The following PRKCH variants were observed in gnomAD, a reference collection of about 807,000 sequenced individuals.
The protein encoded by PRKCH is protein kinase C eta, also known as protein kinase C eta type.
In PRKCH, 28 loss-of-function variants were observed where a neutral mutation model predicts 82.5. That is an observed-to-expected ratio of 0.34 (90% CI 0.25 to 0.47). PRKCH has a LOEUF of 0.47. Ranked by LOEUF, PRKCH falls within the 20% of genes least tolerant of loss-of-function variation. The probability of loss-of-function intolerance (pLI) is 1.00; values close to 1 mark genes in which losing one functional copy is unlikely to be tolerated. For synonymous variants in PRKCH, 322 were observed against 327.4 expected, an observed-to-expected ratio of 0.98 and a Z score of 0.18; for missense variants, 705 against 881.8, an observed-to-expected ratio of 0.80 and a Z score of 2.54.
intron 2 of PRKCH, among the ~76,000 whole-genome samples, chr14:61,414,592 T>TA (rs1401522276): frequency 2.0e-5 from 3 of 148,508 alleles, no homozygotes; most frequent in Non-Finnish European, 1.5e-5. Flanking sequence ...TTTATTCTTT[T>TA]TTTTTTTTTT....
At chr14:61,359,466 T>G (rs1057417763) in intron 1 of PRKCH, among the ~76,000 whole-genome samples, 1 of 152,246 alleles carries the variant, frequency 6.6e-6, no homozygotes, top group South Asian at 2.1e-4. Context: ...TTAGAACTTA[T>G]GGTAATGTTA....
At chr14:61,318,010 A>G (rs1282473353), upstream of PRKCH, among the ~76,000 whole-genome samples, 14 of 152,214 alleles carry the variant, frequency 9.2e-5, no homozygotes, top group East Asian at 1.9e-3. Flanking sequence ...TAAGTTTTGA[A>G]TTGAGCTCTT....
At position 61,272,340 on chromosome 14, in the gene PRKCH, C is replaced by CTTTTTTTTTTTTTTTTTTTTTTTT. The variant is rs1335053986; in HGVS notation, c.-19+84675_-19+84676insTTTTTTTTTTTTTTTTTTTTTTTT. Among the ~76,000 whole-genome samples, 2 of 97,838 alleles carry CTTTTTTTTTTTTTTTTTTTTTTTT rather than the reference C, an allele frequency of 2.0e-5. 1 individual carries two copies. The allele number at this position is 97,838 out of a possible 152,430, so 64.2% of individuals were successfully genotyped here. On this transcript the variant is annotated intron_variant, in intron 1 of 3. Transcript: ENST00000555185. ...TAGATTTCTTTTTCTTTTCTTTTTT[C>CTTTTTTTTTTTTTTTTTTTTTTTT]TTTCTTTTTTTTTTTTTTTTTTTTT...
intron 1 of PRKCH, among the ~76,000 whole-genome samples, chr14:61,276,995 C>A (rs2045209522): frequency 6.6e-6 from 1 of 152,044 alleles, no homozygotes; most frequent in Admixed American, 6.6e-5. Context: ...ACCAGCCTGA[C>A]CAACTTGGTG....
chr14:61,359,606 A>G (rs187153161), intron 1 of PRKCH, among the ~76,000 whole-genome samples: 6 of 152,274 alleles, frequency 3.9e-5, no homozygotes, highest in Admixed American at 1.3e-4. Flanking sequence ...GTATACTCTG[A>G]GAGAGAACTT....
At chr14:61,226,686 C>G (rs2044698873) in intron 1 of PRKCH, among the ~76,000 whole-genome samples, 3 of 152,328 alleles carry the variant, frequency 2.0e-5, no homozygotes, top group South Asian at 2.1e-4. Context: ...AATGGTCGTT[C>G]TCTAAAGATT....
At position 61,547,832 on chromosome 14, in the gene PRKCH, C is replaced by A; in HGVS notation, c.1851C>A (p.Ile617=). ...AILRHPFFKE[I]DWAQLNHRQI... is the part of the protein sequence containing the mutation. ...TGAGACATCCTTTTTTTAAGGAAAT[C>A]GACTGGGCCCAGCTGAACCATCGCC... The change falls in exon 13 of 14, where the codon ATC becomes ATA. Residue 617 remains isoleucine, a synonymous_variant. Coordinates refer to ENST00000332981, the MANE Select transcript of PRKCH (RefSeq NM_006255.5). 6 of 1,614,088 alleles carry A rather than the reference C, an allele frequency of 3.7e-6. No individual in the cohort carries two copies. Among genetic ancestry groups the A allele is most frequent in the Non-Finnish European group, 5.1e-6 (6 of 1,179,992 alleles).
intron 9 of PRKCH, among the ~76,000 whole-genome samples, chr14:61,481,100 C>T (rs1885951505): frequency 6.6e-6 from 1 of 152,200 alleles, no homozygotes; most frequent in Non-Finnish European, 1.5e-5. Context: ...GCACTTAACA[C>T]ACTGTGGCGA....
At chr14:61,428,977 C>T (rs1433639970) in intron 2 of PRKCH, among the ~76,000 whole-genome samples, 1 of 152,020 alleles carries the variant, frequency 6.6e-6, no homozygotes, top group Non-Finnish European at 1.5e-5. Context: ...TTCTGCATGT[C>T]ATAGTTGACA....
At chr14:61,371,187 T>C (rs1254096975) in intron 1 of PRKCH, among the ~76,000 whole-genome samples, 2 of 152,122 alleles carry the variant, frequency 1.3e-5, no homozygotes, top group African/African-American at 2.4e-5. Context: ...ACAGTTTTAG[T>C]ATTACAGAGA....
chr14:61,357,829 T>C (rs1328409710), intron 1 of PRKCH, among the ~76,000 whole-genome samples: 1 of 152,180 alleles, frequency 6.6e-6, no homozygotes. Context: ...AGTTTAGTTC[T>C]GGGAGTGTTG....
At chr14:61,293,268 C>T (rs1212096813) in intron 1 of PRKCH, among the ~76,000 whole-genome samples, 2 of 152,168 alleles carry the variant, frequency 1.3e-5, no homozygotes, top group African/African-American at 4.8e-5. Flanking sequence ...GAAGCACCTG[C>T]CCTTTTAACC....
chr14:61,236,856 GAAGT>G (rs1340741316), intron 1 of PRKCH, among the ~76,000 whole-genome samples: 4 of 152,020 alleles, frequency 2.6e-5, no homozygotes, highest in Admixed American at 2.6e-4. Flanking sequence ...GCAACGTCAG[GAAGT>G]TACCTTATAT....
chr14:61,280,488 G>C lies in PRKCH; in HGVS notation c.-19+92820G>C, dbSNP rs748199194. 1.2e-6 allele frequency: 2 copies of C among 1,613,102 alleles called. No homozygotes were observed. The highest frequency in any genetic ancestry group is 1.7e-6 in the Non-Finnish European group (2 of 1,179,636). On this transcript the variant is annotated intron_variant, in intron 1 of 3. Transcript: ENST00000555185. This position sits in a 1 kb window ranked among gnomAD's most constrained non-coding sequence, Gnocchi z 5.0. ...AGTTGGGCGGGGGCGCCGTGCCCTGGAAGGCCAACGCCAGGCTGCCGTTGA... is the reference window on the plus strand; with the variant it reads ...AGTTGGGCGGGGGCGCCGTGCCCTGCAAGGCCAACGCCAGGCTGCCGTTGA...
At chr14:61,517,054 C>G (rs933543355) in intron 10 of PRKCH, among the ~76,000 whole-genome samples, 1 of 152,116 alleles carries the variant, frequency 6.6e-6, no homozygotes, top group Non-Finnish European at 1.5e-5. Flanking sequence ...CAGATGAGAC[C>G]TGCTGAGGTG....
At chr14:61,420,956 G>T (rs546184124) in intron 2 of PRKCH, among the ~76,000 whole-genome samples, 4 of 152,212 alleles carry the variant, frequency 2.6e-5, no homozygotes, top group African/African-American at 9.6e-5. Context: ...CCCTAGATAG[G>T]CTAAAGATTT....
chr14:61,401,498 C>T (rs1881616642), intron 2 of PRKCH, among the ~76,000 whole-genome samples: 1 of 152,166 alleles, frequency 6.6e-6, no homozygotes, highest in Non-Finnish European at 1.5e-5. Flanking sequence ...AAACTGTTTT[C>T]CTTATAATAC....
At chr14:61,450,752 A>G in intron 5 of PRKCH, 90 bp from the exon 6 acceptor site, 2 of 1,476,896 alleles carry the variant, frequency 1.4e-6, no homozygotes, top group African/African-American at 1.4e-5. Context: ...TCATAGTGAC[A>G]CTTTGCATTT....
upstream of PRKCH, among the ~76,000 whole-genome samples, chr14:61,317,678 C>G (rs1056972851): frequency 6.6e-6 from 1 of 152,110 alleles, no homozygotes; most frequent in Non-Finnish European, 1.5e-5. Context: ...TCCATAATAC[C>G]TGGACACCAC....
Sources: allele counts gnomAD v4.1 joint callset (sites outside exome capture counted in the v4.1 genomes callset), GRCh38; gene constraint gnomAD v4.1.1; non-coding constraint Gnocchi (gnomAD v3.1); transcripts MANE v1.5; gene names NCBI Gene and HGNC (gene_info 2026-07-23, HGNC 2026-07-21).